Variants in FAT2 observed in about 807,000 individuals in gnomAD.
The protein encoded by FAT2 is protocadherin Fat 2.
A neutral mutation model predicts 295.3 loss-of-function variants in FAT2; 150 were observed. That is an observed-to-expected ratio of 0.51 (90% CI 0.44 to 0.58). The LOEUF (loss-of-function observed/expected upper bound fraction) is 0.58. FAT2 is among the 20% of genes least tolerant of loss of function. The pLI, the probability that FAT2 is intolerant of heterozygous loss-of-function variation, is 0.00. For missense variants in FAT2, 4,868 were observed against 5,442.7 expected, an observed-to-expected ratio of 0.89 and a Z score of 3.32; for synonymous variants, 2,026 against 2,150.3, an observed-to-expected ratio of 0.94 and a Z score of 1.60.
rs3797875 is a variant in FAT2 at position 151,545,583 on chromosome 5, A to G, written c.5544T>C (p.Pro1848=). 1,313,434 of 1,613,934 alleles carry G rather than the reference A, an allele frequency of 0.81. 536,640 individuals carry two copies. The highest frequency in any genetic ancestry group is 0.96 in the African/African-American group (72,345 of 75,020). Residue 1848 remains proline (P), a synonymous_variant, in exon 10 of 24, where the codon CCT becomes CCC. Transcript: ENST00000261800. ...GGGCAGGTCTGGGTGCAAATAATAC[A>G]GGGCTTCCTTGGTCATGGACATAGA... The part of the protein sequence containing the change: ...FCVYVHDQGS[P]VLFAPRPAQV...
At chr5:151,541,222 TAA>T (rs996641573) in intron 10 of FAT2, among the ~76,000 whole-genome samples, 2 of 152,244 alleles carry the variant, frequency 1.3e-5, no homozygotes, top group African/African-American at 4.8e-5. Context: ...GGTTTGCTTG[TAA>T]GTCATCTTTC....
chr5:151,521,887 G>T lies in FAT2; in HGVS notation c.10706C>A (p.Ala3569Glu). ...DPQDTLTYSL[A>E]EEETLGRHFS... ...GTGCCTGCCCAGGGTCTCCTCTTCT[G>T]CCAGGCTATAGGTCAGCGTGTCCTG... The change falls in exon 19 of 24, where the codon GCA (alanine) becomes GAA (glutamate). Residue 3569 changes from alanine to glutamate, a missense_variant. Around this residue, in one of 5 missense-constraint regions of FAT2, gnomAD observed 1,046 missense variants for 1,210.1 expected, o/e 0.86. Coordinates refer to ENST00000261800, the MANE Select transcript of FAT2 (RefSeq NM_001447.3). 6.2e-7 allele frequency: 1 copy of T among 1,614,084 alleles called. No individual in the cohort carries two copies. Among genetic ancestry groups the T allele is most frequent in the Non-Finnish European group, 8.5e-7 (1 of 1,179,942 alleles).
At chr5:151,578,574 A>C (rs1175242204) in intron 1 of FAT2, among the ~76,000 whole-genome samples, 1 of 152,236 alleles carries the variant, frequency 6.6e-6, no homozygotes, top group African/African-American at 2.4e-5. Flanking sequence ...TCCCCAAAAA[A>C]TAAAAAAAAG....
Position 151,512,827 on chromosome 5 carries a change from G to C in FAT2, c.11464-221C>G, listed in dbSNP as rs1386948570. The stretch of plus-strand genomic sequence containing the variant: ...ACACCCCATGGGATGGTCTGGGTAG[G>C]GGGTGACATCTCCATTCACAGATGA... On this transcript the variant is annotated intron_variant, in intron 20 of 23. Coordinates refer to ENST00000261800, the MANE Select transcript of FAT2 (RefSeq NM_001447.3). This position sits in a 1 kb window ranked among gnomAD's most constrained non-coding sequence, Gnocchi z 4.1. 1 of 571,490 alleles carries C rather than the reference G, an allele frequency of 1.7e-6. No individual in the cohort carries two copies. The highest frequency in any genetic ancestry group is 3.1e-6 in the Non-Finnish European group (1 of 320,822). 35.4% of individuals were successfully genotyped at this position (571,490 alleles called of 1,614,324 possible).
chr5:151,590,741 T>C lies in FAT2; in HGVS notation c.-21+424A>G, dbSNP rs146664611. Reference sequence around the variant, plus strand: ...TGGACACACACAAGAAGCCAGCAACTCTCAATTCCTGGCCCTGGCACTTCC... The same window carrying C: ...TGGACACACACAAGAAGCCAGCAACCCTCAATTCCTGGCCCTGGCACTTCC... On this transcript the variant is annotated intron_variant, in intron 1 of 23. Coordinates refer to ENST00000261800, the MANE Select transcript of FAT2 (RefSeq NM_001447.3). 4.5e-3 allele frequency among the ~76,000 whole-genome samples: 687 copies of C among 152,182 alleles called. 6 individuals are homozygous for C. The highest frequency in any genetic ancestry group is 0.016 in the African/African-American group (650 of 41,520).
chr5:151,548,502 A>T (rs372292043), intron 9 of FAT2, among the ~76,000 whole-genome samples: 5 of 152,194 alleles, frequency 3.3e-5, no homozygotes, highest in Admixed American at 6.5e-5. Context: ...CTTTTTTGAG[A>T]TGGAGTCTTG....
In FAT2 at chr5:151,521,716, G is replaced by C. The variant is rs764429262; in HGVS notation, c.10877C>G (p.Ala3626Gly). The C allele has an allele frequency of 6.2e-7, 1 of 1,613,978 alleles. No individual in the cohort carries two copies. Among genetic ancestry groups the C allele is most frequent in the South Asian group, 1.1e-5 (1 of 91,082 alleles). ...HVYVWHVGQE[A>G]LQQAMWMGFY... ...GCCCATCCACATGGCCTGCTGCAGA[G>C]CCTCCTGCCCCACATGCCACACGTA... The change falls in exon 19 of 24, where the codon GCT (alanine) becomes GGT (glycine). Residue 3626 changes from alanine to glycine, a missense_variant. Around this residue, in one of 5 missense-constraint regions of FAT2, gnomAD observed 1,046 missense variants for 1,210.1 expected, o/e 0.86. Coordinates refer to ENST00000261800, the MANE Select transcript of FAT2 (RefSeq NM_001447.3).
chr5:151,521,566 G>A lies in FAT2; in HGVS notation c.11027C>T (p.Ala3676Val), dbSNP rs776716907. The A allele has an allele frequency of 5.0e-6, 8 of 1,614,196 alleles. No individual in the cohort carries two copies. Among genetic ancestry groups the A allele is most frequent in the Non-Finnish European group, 6.8e-6 (8 of 1,180,022 alleles). Residue 3676 changes from alanine to valine, a missense_variant, in exon 19 of 24, where the codon GCC (alanine) becomes GTC (valine). Physicochemically the swap from Ala to Val is moderately conservative, Grantham distance 64. Transcript: ENST00000261800. ...IHLASLQPAEAVAGVDVLLVF... is the reference protein window; with the variant it reads ...IHLASLQPAEVVAGVDVLLVF... ...CAGGAGCACATCCACACCAGCCACG[G>A]CCTCTGCAGGCTGGAGGCTGGCCAA...
At chr5:151,541,123 A>G (rs533934451) in intron 10 of FAT2, among the ~76,000 whole-genome samples, 10 of 152,352 alleles carry the variant, frequency 6.6e-5, no homozygotes, top group African/African-American at 2.4e-4. Flanking sequence ...CAGTGGAGAG[A>G]TAGGAAGCAA....
chr5:151,568,603 T>A lies in FAT2; in HGVS notation c.329A>T (p.Glu110Val). Reference protein sequence around the residue: ...KSSNTALLNREVRDSYTLIIQ... With the variant: ...KSSNTALLNRVVRDSYTLIIQ... ...GATGAGGGTGTAGCTGTCTCGCACC[T>A]CTCTGTTCAGAAGAGCTGTGTTGCT... The change falls in exon 2 of 24, where the codon GAG becomes GTG. Residue 110 changes from glutamate (E) to valine (V), a missense_variant. By Grantham distance (121) the Glu-to-Val change is moderately radical. Coordinates refer to ENST00000261800, the MANE Select transcript of FAT2 (RefSeq NM_001447.3). 6.2e-7 allele frequency: 1 copy of A among 1,614,148 alleles called. No homozygotes were observed. Among genetic ancestry groups the A allele is most frequent in the Non-Finnish European group, 8.5e-7 (1 of 1,180,036 alleles).
Position 151,527,362 on chromosome 5 carries a change from G to A in FAT2, c.10180C>T (p.Leu3394=). The stretch of plus-strand genomic sequence containing the variant: ...CCACTGTCTGTGGCTCGGAGCTTCA[G>A]GGAATAACTAGAGGCCTATTGCAAA... ...LDREQASSYS[L]KLRATDSGQP... The change falls in exon 17 of 24, where the codon CTG becomes TTG. Residue 3394 remains leucine, a synonymous_variant. Transcript: ENST00000261800. 6.2e-7 allele frequency: 1 copy of A among 1,609,882 alleles called. No homozygotes were observed. The highest frequency in any genetic ancestry group is 2.2e-5 in the East Asian group (1 of 44,780).
upstream of FAT2, among the ~76,000 whole-genome samples, chr5:151,593,436 C>T (rs577980246): frequency 5.9e-5 from 9 of 152,228 alleles, no homozygotes; most frequent in East Asian, 5.8e-4. Context: ...CCCTTCTCCC[C>T]GGCTCCCTTA....
rs1035136841 is a variant in FAT2, at chr5:151,576,148, T to C, written c.-20-7197A>G. ...AAAAGGGAGAATCTCTTAAGAAAAA[T>C]TGAGATCTTAATATGTGGGCTAGAA... On this transcript the variant is annotated intron_variant, in intron 1 of 23. Coordinates refer to ENST00000261800, the MANE Select transcript of FAT2 (RefSeq NM_001447.3). 5.9e-5 allele frequency among the ~76,000 whole-genome samples: 9 copies of C among 152,188 alleles called. 1 individual carries two copies. The East Asian group carries it at 1.5e-3, about 26-fold the overall frequency.
chr5:151,586,960 G>C (rs943523152), intron 1 of FAT2, among the ~76,000 whole-genome samples: 10 of 152,200 alleles, frequency 6.6e-5, no homozygotes, highest in South Asian at 6.2e-4. Flanking sequence ...GGGGCAACAT[G>C]GTGAAACCCT....
At chr5:151,569,044 G>C in intron 1 of FAT2, 93 bp from the exon 2 acceptor site, 3 of 1,238,772 alleles carry the variant, frequency 2.4e-6, no homozygotes, top group Non-Finnish European at 3.3e-6. Context: ...TGACCCTCAA[G>C]GGACACTTGG....
chr5:151,582,764 G>A (rs1015664636), intron 1 of FAT2, among the ~76,000 whole-genome samples: 7 of 152,156 alleles, frequency 4.6e-5, no homozygotes, highest in Admixed American at 2.0e-4. Context: ...GTTAAAAATC[G>A]CAACCTCTTC....
Position 151,522,060 on chromosome 5 carries a change from G to A in FAT2, c.10533C>T (p.Leu3511=). 6.3e-7 allele frequency: 1 copy of A among 1,597,418 alleles called. No homozygotes were observed. ...IQASDSGIPP[L]SSLTSVRVHV... ...GGACACGGACAGACGTCAAAGACGA[G>A]AGGGGAGGGATGCCACTGTCTGACG... The change falls in exon 19 of 24, where the codon CTC becomes CTT. Residue 3511 remains leucine, a synonymous_variant. Coordinates refer to ENST00000261800, the MANE Select transcript of FAT2 (RefSeq NM_001447.3).
Position 151,512,798 on chromosome 5 carries a change from C to T in FAT2, c.11464-192G>A. ...TTGTGTTGATGGTCTCCTTTGTTCT[C>T]ACCACACCCCATGGGATGGTCTGGG... On this transcript the variant is annotated intron_variant, in intron 20 of 23. Transcript: ENST00000261800. The surrounding 1 kb of genome is among the most constrained non-coding windows in gnomAD (Gnocchi z 4.1). 1.7e-6 allele frequency: 1 copy of T among 601,166 alleles called. No individual in the cohort carries two copies. Among genetic ancestry groups the T allele is most frequent in the Non-Finnish European group, 2.9e-6 (1 of 340,500 alleles). 37.2% of individuals were successfully genotyped at this position (601,166 alleles called of 1,614,324 possible).
chr5:151,524,457 C>T (rs549787448), intron 18 of FAT2, among the ~76,000 whole-genome samples: 21 of 152,120 alleles, frequency 1.4e-4, no homozygotes, highest in South Asian at 2.1e-4. Flanking sequence ...AATGAGAAGC[C>T]GACAGTCTGC....
Sources: allele counts gnomAD v4.1 joint callset (sites outside exome capture counted in the v4.1 genomes callset), GRCh38; gene constraint gnomAD v4.1.1; regional missense constraint gnomAD v4.1.1; non-coding constraint Gnocchi (gnomAD v3.1); transcripts MANE v1.5; gene names NCBI Gene and HGNC (gene_info 2026-07-23, HGNC 2026-07-21).